Variants in SCN10A observed in about 807,000 individuals in gnomAD.
SCN10A encodes sodium channel protein type 10 subunit alpha.
Under a neutral mutation model 170.7 loss-of-function variants are expected in SCN10A, and 162 were observed. The observed-to-expected ratio is 0.95, with a 90% CI of 0.84 to 1.08. The LOEUF (loss-of-function observed/expected upper bound fraction) is 1.08. Among genes scored for constraint, SCN10A ranks in the 50% least tolerant of loss-of-function variants. SCN10A has a pLI of 0.00. For synonymous variants in SCN10A, 985 were observed against 904.6 expected, an observed-to-expected ratio of 1.09 and a Z score of -1.59; for missense variants, 2,527 against 2,436.9, an observed-to-expected ratio of 1.04 and a Z score of -0.78.
intron 22 of SCN10A, 48 bp downstream of exon 22, chr3:38,713,910 G>T (rs1162553078): frequency 1.2e-6 from 2 of 1,606,744 alleles, no homozygotes; most frequent in East Asian, 2.2e-5. Context: ...TTACAGGCAT[G>T]AACCACCGTG....
Position 38,714,180 on chromosome 3 carries a change from C to T in SCN10A, c.3682-100G>A, listed in dbSNP as rs141878212. On this transcript the variant is annotated intron_variant, in intron 21 of 27. Transcript: ENST00000449082. ...CCCTGCCCAGCCTCCCATTCCTACA[C>T]GTCTAAGCCATCATCCTAGCTCCCA... 200 of 1,431,768 alleles carry T rather than the reference C, an allele frequency of 1.4e-4. 1 individual carries two copies. In the African/African-American group the frequency reaches 1.4e-3, roughly 10 times the overall value. The allele number at this position is 1,431,768 out of a possible 1,614,324, so 88.7% of individuals were successfully genotyped here. A position where few individuals can be genotyped will look rare whatever the true frequency, so the allele number is the denominator to read the frequency against.
At chr3:38,765,978 T>TG (rs2063928251) in intron 5 of SCN10A, among the ~76,000 whole-genome samples, 1 of 131,746 alleles carries the variant, frequency 7.6e-6, no homozygotes, top group Admixed American at 8.0e-5. Flanking sequence ...TTTTTATTTT[T>TG]GTTTTTTTTT....
At chr3:38,750,040 C>G (rs533101173) in intron 13 of SCN10A, 33 bp downstream of exon 13, 2 of 1,177,684 alleles carry the variant, frequency 1.7e-6, no homozygotes, top group African/African-American at 1.5e-5. Context: ...CATCATGACA[C>G]AGTGGATGAA....
intron 23 of SCN10A, 78 bp from the exon 24 acceptor site, chr3:38,710,975 G>A: frequency 8.0e-7 from 1 of 1,251,748 alleles, no homozygotes; most frequent in Non-Finnish European, 1.2e-6. Flanking sequence ...TGGTGGCCCA[G>A]TGAGAGAGGA....
At chr3:38,732,674 A>G (rs1445519652) in intron 15 of SCN10A, among the ~76,000 whole-genome samples, 1 of 152,230 alleles carries the variant, frequency 6.6e-6, no homozygotes, top group Non-Finnish European at 1.5e-5. Context: ...TTATTCAGTG[A>G]CAAAAATATT....
chr3:38,740,726 A>G (rs1278185799), intron 14 of SCN10A, among the ~76,000 whole-genome samples: 1 of 152,200 alleles, frequency 6.6e-6, no homozygotes, highest in Non-Finnish European at 1.5e-5. Context: ...TTGTTGTGAC[A>G]CTGAAATAAC....
chr3:38,781,369 C>T (rs1030488551), intron 4 of SCN10A, among the ~76,000 whole-genome samples: 1 of 152,058 alleles, frequency 6.6e-6, no homozygotes, highest in Non-Finnish European at 1.5e-5. Flanking sequence ...TTCAGCAAAT[C>T]GATGAGATGC....
At chr3:38,746,075 A>ATGTG (rs1321412735) in intron 13 of SCN10A, among the ~76,000 whole-genome samples, 7 of 83,606 alleles carry the variant, frequency 8.4e-5, no homozygotes, top group Non-Finnish European at 1.6e-4. Context: ...ATATATATAT[A>ATGTG]TATATATATA....
At chr3:38,776,248 T>G (rs954588478) in intron 4 of SCN10A, among the ~76,000 whole-genome samples, 4 of 152,158 alleles carry the variant, frequency 2.6e-5, no homozygotes, top group African/African-American at 9.6e-5. Context: ...ACTTGTCTCA[T>G]GACAAACAGA....
chr3:38,712,118 G>T (rs995364450), intron 23 of SCN10A, 43 bp downstream of exon 23: 2 of 1,595,844 alleles, frequency 1.3e-6, no homozygotes, highest in Non-Finnish European at 1.7e-6. Context: ...ATTTTATTGA[G>T]CGGCCAAAGC....
intron 17 of SCN10A, 72 bp downstream of exon 17, chr3:38,726,534 T>C: frequency 8.0e-7 from 1 of 1,253,520 alleles, no homozygotes; most frequent in Non-Finnish European, 1.1e-6. Flanking sequence ...GCATTTCCCT[T>C]TTGCCCTTTG....
intron 25 of SCN10A, 112 bp from the exon 26 acceptor site, chr3:38,707,495 T>A (rs1403370786): frequency 9.5e-7 from 1 of 1,052,438 alleles, no homozygotes; most frequent in East Asian, 2.4e-5. Context: ...CCTCTGCAGA[T>A]AGACAAACCA....
intron 4 of SCN10A, among the ~76,000 whole-genome samples, chr3:38,780,928 T>C (rs1299462045): frequency 1.3e-5 from 2 of 151,998 alleles, no homozygotes; most frequent in East Asian, 1.9e-4. Context: ...CAATGACCAA[T>C]TGAGAGCAAT....
intron 4 of SCN10A, among the ~76,000 whole-genome samples, chr3:38,780,705 AT>A (rs1472675353): frequency 6.6e-6 from 1 of 151,912 alleles, no homozygotes; most frequent in Non-Finnish European, 1.5e-5. Flanking sequence ...ATTTTAGACT[AT>A]GGAAATTATG....
intron 8 of SCN10A, among the ~76,000 whole-genome samples, chr3:38,759,975 G>C (rs1205253470): frequency 6.6e-6 from 1 of 152,204 alleles, no homozygotes; most frequent in South Asian, 2.1e-4. Context: ...GGAGTTAGCT[G>C]TGATGATTAA....
chr3:38,698,091 A>G lies in SCN10A; in HGVS notation c.5129T>C (p.Phe1710Ser). The G allele has an allele frequency of 6.2e-7, 1 of 1,614,094 alleles. No homozygotes were observed. The highest frequency in any genetic ancestry group is 1.1e-5 in the South Asian group (1 of 91,066). The change falls in exon 28 of 28, where the codon TTC (phenylalanine) becomes TCC (serine). Residue 1710 changes from phenylalanine (F) to serine (S), a missense_variant. By Grantham distance (155) the Phe-to-Ser change is radical. Transcript: ENST00000449082. ...AATGTACATGTTGACCATGATGAGGAAGGAGATGATGATGTAGGTGGTGAA... is the reference window on the plus strand; with the variant it reads ...AATGTACATGTTGACCATGATGAGGGAGGAGATGATGATGTAGGTGGTGAA... The part of the protein sequence containing the change: ...IFFTTYIIIS[F>S]LIMVNMYIAV...
chr3:38,698,666 G>T (rs1438909967), intron 27 of SCN10A, 104 bp from the exon 28 acceptor site: 12 of 1,097,060 alleles, frequency 1.1e-5, no homozygotes, highest in Non-Finnish European at 1.6e-5. Context: ...ACTGCCACTT[G>T]GGCATCCACA....
intron 8 of SCN10A, 55 bp from the exon 9 acceptor site, chr3:38,757,214 G>A: frequency 6.6e-7 from 1 of 1,518,668 alleles, no homozygotes; most frequent in Non-Finnish European, 8.8e-7. Flanking sequence ...AGGTAGCCCA[G>A]GGCTGCGAGA....
At chr3:38,702,301 T>G (rs1466770463) in intron 26 of SCN10A, among the ~76,000 whole-genome samples, 192 bp from the exon 27 acceptor site, 1 of 152,206 alleles carries the variant, frequency 6.6e-6, no homozygotes, top group African/African-American at 2.4e-5. Context: ...CCTTAATACC[T>G]CTCCTGGCCC....
Sources: gnomAD v4.1 joint callset for allele counts (sites outside exome capture counted in the v4.1 genomes callset) on GRCh38, gnomAD v4.1.1 for gene constraint, MANE v1.5 for transcripts, NCBI Gene and HGNC (gene_info 2026-07-23, HGNC 2026-07-21) for gene names.